Variants in CARM1 observed in about 807,000 individuals in gnomAD.
The protein encoded by CARM1 is coactivator associated arginine methyltransferase 1.
In CARM1, 14 loss-of-function variants were observed where a neutral mutation model predicts 72.7. The observed-to-expected ratio is 0.19, with a 90% CI of 0.13 to 0.30. The LOEUF (loss-of-function observed/expected upper bound fraction) is 0.30. CARM1 is among the 10% of genes least tolerant of loss of function. CARM1 has a pLI of 1.00. For missense variants in CARM1, 432 were observed against 833.7 expected, an observed-to-expected ratio of 0.52 and a Z score of 5.93; for synonymous variants, 333 against 345.5, an observed-to-expected ratio of 0.96 and a Z score of 0.40.
At chr19:10,919,052 ACT>A (rs1568357076) in intron 8 of CARM1, 1 of 152,486 alleles carries the variant, frequency 6.6e-6, no homozygotes, top group African/African-American at 2.4e-5. Flanking sequence ...CTTGATTCAC[ACT>A]CTCGGGCTTA....
Position 10,871,830 on chromosome 19 carries a change from C to A in CARM1, c.128C>A (p.Ala43Glu). The part of the protein sequence containing the change: ...PGARLLTIGD[A>E]NGEIQRHAEQ... ...GCCCGCCTCCTCACCATCGGCGACGCGAACGGCGAGATCCAGCGGCACGCG... is the reference window on the plus strand; with the variant it reads ...GCCCGCCTCCTCACCATCGGCGACGAGAACGGCGAGATCCAGCGGCACGCG... Residue 43 changes from alanine (A) to glutamate (E), a missense_variant, in exon 1 of 16, where the codon GCG (alanine) becomes GAG (glutamate). This residue lies in a region of CARM1 where 138 missense variants were observed against 192.3 expected (regional missense o/e 0.72). Transcript: ENST00000327064. The surrounding 1 kb of genome is among the most constrained non-coding windows in gnomAD (Gnocchi z 5.6). 1 of 1,296,034 alleles carries A rather than the reference C, an allele frequency of 7.7e-7. No individual in the cohort carries two copies. Among genetic ancestry groups the A allele is most frequent in the Non-Finnish European group, 9.9e-7 (1 of 1,014,860 alleles). 80.3% of individuals were successfully genotyped at this position (1,296,034 alleles called of 1,614,324 possible).
chr19:10,905,773 G>C (rs2074098116), intron 2 of CARM1, among the ~76,000 whole-genome samples: 1 of 151,986 alleles, frequency 6.6e-6, no homozygotes, highest in African/African-American at 2.4e-5. Context: ...TGGGCAGCCT[G>C]AGCCCTCGGG....
chr19:10,911,589 C>G (rs2074151083), intron 4 of CARM1, among the ~76,000 whole-genome samples: 1 of 152,250 alleles, frequency 6.6e-6, no homozygotes. Context: ...TTCAAAAGCT[C>G]ATGCCTGTCA....
Position 10,920,774 on chromosome 19 carries a change from G to C in CARM1, c.1424+26G>C, listed in dbSNP as rs1192889591. ...GTAGGAGGGGCCCCTTGCCTGCACAGGGGGGCGCCCCGGCCCTGCAACCCC... is the reference window on the plus strand; with the variant it reads ...GTAGGAGGGGCCCCTTGCCTGCACACGGGGGCGCCCCGGCCCTGCAACCCC... On this transcript the variant is annotated intron_variant, in intron 12 of 15. Transcript: ENST00000327064. The surrounding 1 kb of genome is among the most constrained non-coding windows in gnomAD (Gnocchi z 5.3). 2 of 1,613,122 alleles carry C rather than the reference G, an allele frequency of 1.2e-6. No homozygotes were observed. Among genetic ancestry groups the C allele is most frequent in the Admixed American group, 3.3e-5 (2 of 59,992 alleles).
At chr19:10,880,998 T>C (rs2073898349) in intron 1 of CARM1, among the ~76,000 whole-genome samples, 1 of 152,028 alleles carries the variant, frequency 6.6e-6, no homozygotes, top group Non-Finnish European at 1.5e-5. Context: ...CTGTATCTCT[T>C]AAAAAATAAT....
chr19:10,915,934 C>A lies in CARM1; in HGVS notation c.848-473C>A, dbSNP rs2074192442. ...AGTCCCTGTGGTGTGGATTTGGCTT[C>A]CCCCACCTGGCTCTTGGCCTCAACT... On this transcript the variant is annotated intron_variant, in intron 6 of 15. Coordinates refer to ENST00000327064, the MANE Select transcript of CARM1 (RefSeq NM_199141.2). The surrounding 1 kb of genome is among the most constrained non-coding windows in gnomAD (Gnocchi z 4.6). Among the ~76,000 whole-genome samples the A allele has an allele frequency of 6.6e-6, 1 of 152,190 alleles. No homozygotes were observed. The highest frequency in any genetic ancestry group is 1.5e-5 in the Non-Finnish European group (1 of 68,018).
chr19:10,872,406 G>A (rs761389654), intron 1 of CARM1, among the ~76,000 whole-genome samples: 2 of 152,134 alleles, frequency 1.3e-5, no homozygotes, highest in Non-Finnish European at 2.9e-5. Flanking sequence ...GTTGGAAAGT[G>A]TTTGCTGGTC....
Position 10,920,851 on chromosome 19 carries a change from C to T in CARM1, c.1442C>T (p.Pro481Leu), listed in dbSNP as rs377048511. The T allele has an allele frequency of 4.3e-6, 7 of 1,614,090 alleles. No individual in the cohort carries two copies. The East Asian group carries it at 1.3e-4, about 31-fold the overall frequency. The change falls in exon 13 of 16, where the codon CCC becomes CTC. Residue 481 changes from proline (P) to leucine (L), a missense_variant. Pro to Leu is a moderately conservative substitution (Grantham distance 98). Transcript: ENST00000327064. The surrounding 1 kb of genome is among the most constrained non-coding windows in gnomAD (Gnocchi z 5.3). ...NPFFRYTGTT[P>L]SPPPGSHYTS... ...TGCCATAGATACACGGGCACAACGCCCTCACCCCCACCCGGCTCCCACTAC... is the reference window on the plus strand; with the variant it reads ...TGCCATAGATACACGGGCACAACGCTCTCACCCCCACCCGGCTCCCACTAC...
chr19:10,918,434 G>T (rs1444384897), intron 8 of CARM1, among the ~76,000 whole-genome samples: 1 of 151,996 alleles, frequency 6.6e-6, no homozygotes, highest in African/African-American at 2.4e-5. Flanking sequence ...TGTTACTCAG[G>T]CTGGTCTTGA....
At chr19:10,911,974 G>T (rs767392368) in intron 4 of CARM1, among the ~76,000 whole-genome samples, 5 of 152,236 alleles carry the variant, frequency 3.3e-5, no homozygotes, top group African/African-American at 1.2e-4. Flanking sequence ...GGTTGGGGCC[G>T]AGCGGGAGCT....
chr19:10,912,630 A>G lies in CARM1; in HGVS notation c.669+336A>G, dbSNP rs545264899. Among the ~76,000 whole-genome samples the G allele has an allele frequency of 7.1e-6, 1 of 140,404 alleles. No homozygotes were observed. Among genetic ancestry groups the G allele is most frequent in the African/African-American group, 2.6e-5 (1 of 38,892 alleles). The allele number at this position is 140,404 out of a possible 152,430, so 92.1% of individuals were successfully genotyped here. ...CACCCCAGCTCCCACCCCCAGCCCC[A>G]TCATGAGAGAGGAGCTACGGCCACA... is the stretch of plus-strand genomic sequence containing the variant. On this transcript the variant is annotated intron_variant, in intron 5 of 15. Coordinates refer to ENST00000327064, the MANE Select transcript of CARM1 (RefSeq NM_199141.2). The surrounding 1 kb of genome is among the most constrained non-coding windows in gnomAD (Gnocchi z 4.5).
rs190181232 is a variant in CARM1 at position 10,883,536 on chromosome 19, C to T, written c.220+11614C>T. Among the ~76,000 whole-genome samples, 469 of 152,286 alleles carry T rather than the reference C, an allele frequency of 3.1e-3. 1 individual carries two copies. Among genetic ancestry groups the T allele is most frequent in the Middle Eastern group, 6.8e-3 (2 of 292 alleles). Reference sequence around the variant, plus strand: ...CCTCCAGATCTGCCCAGAAAGTCCACGGTGCCGGCCCTGCCACTTCTTTGT... The same window carrying T: ...CCTCCAGATCTGCCCAGAAAGTCCATGGTGCCGGCCCTGCCACTTCTTTGT... On this transcript the variant is annotated intron_variant, in intron 1 of 15. Transcript: ENST00000327064.
At chr19:10,909,659 C>T (rs919025492) in intron 4 of CARM1, among the ~76,000 whole-genome samples, 2 of 151,172 alleles carry the variant, frequency 1.3e-5, no homozygotes, top group Non-Finnish European at 1.5e-5. Context: ...ATGGCATGAA[C>T]GCAGGAGGCA....
chr19:10,907,242 G>C (rs893288620), intron 2 of CARM1, among the ~76,000 whole-genome samples: 1 of 151,438 alleles, frequency 6.6e-6, no homozygotes, highest in African/African-American at 2.4e-5. Context: ...TTGCTATGTT[G>C]CCCAGGCTGG....
At position 10,913,866 on chromosome 19, in the gene CARM1, C is replaced by G; in HGVS notation, c.670-11C>G. The G allele has an allele frequency of 6.2e-7, 1 of 1,609,172 alleles. No individual in the cohort carries two copies. The highest frequency in any genetic ancestry group is 8.5e-7 in the Non-Finnish European group (1 of 1,177,448). The stretch of plus-strand genomic sequence containing the variant: ...ACGCAGGGAAGCCCACATGGCCCTG[C>G]CCGCCTGCAGGTCTTGGTGAAGAGT... On this transcript the variant is annotated splice_polypyrimidine_tract_variant and intron_variant, in intron 5 of 15. Coordinates refer to ENST00000327064, the MANE Select transcript of CARM1 (RefSeq NM_199141.2).
At chr19:10,893,896 A>G (rs2074005864) in intron 1 of CARM1, among the ~76,000 whole-genome samples, 1 of 152,222 alleles carries the variant, frequency 6.6e-6, no homozygotes, top group African/African-American at 2.4e-5. Context: ...CCCTGAACCC[A>G]GTCCCTCCTT....
Position 10,921,388 on chromosome 19 carries a change from T to C in CARM1, c.1629T>C (p.Ile543=). 2 of 1,609,688 alleles carry C rather than the reference T, an allele frequency of 1.2e-6. No homozygotes were observed. The highest frequency in any genetic ancestry group is 2.2e-5 in the East Asian group (1 of 44,870). Residue 543 remains isoleucine, a synonymous_variant, in exon 15 of 16, where the codon ATT becomes ATC. Coordinates refer to ENST00000327064, the MANE Select transcript of CARM1 (RefSeq NM_199141.2). ...NNLIPLANTG[I]VNHTHSRMGS... ...CTCGCTGCGCAGCCAACACGGGGAT[T>C]GTCAATCACACCCACTCCCGGATGG...
In CARM1 at chr19:10,920,654, C is replaced by T. The variant is rs200590314; in HGVS notation, c.1335-5C>T. 1.6e-4 allele frequency: 265 copies of T among 1,614,114 alleles called. 4 individuals carry two copies. The East Asian group carries it at 4.7e-3, about 29-fold the overall frequency. ...CTCATGCCACGGCCTGCACCCTGTC[C>T]GCAGACAGAGCTACGACATCAGTAT... On this transcript the variant is annotated splice_region_variant and splice_polypyrimidine_tract_variant and intron_variant, in intron 11 of 15. Transcript: ENST00000327064. The surrounding 1 kb of genome is among the most constrained non-coding windows in gnomAD (Gnocchi z 5.3).
chr19:10,920,096 C>A lies in CARM1; in HGVS notation c.1196+130C>A. 1.3e-6 allele frequency: 1 copy of A among 740,810 alleles called. No individual in the cohort carries two copies. Among genetic ancestry groups the A allele is most frequent in the Non-Finnish European group, 2.3e-6 (1 of 428,304 alleles). 45.9% of individuals were successfully genotyped at this position (740,810 alleles called of 1,614,324 possible). A position where few individuals can be genotyped will look rare whatever the true frequency, so the allele number is the denominator to read the frequency against. On this transcript the variant is annotated intron_variant, in intron 10 of 15. Transcript: ENST00000327064. This position sits in a 1 kb window ranked among gnomAD's most constrained non-coding sequence, Gnocchi z 5.3. ...CCTTCCAATGGGAGTGAGAGCCTGT[C>A]TCGGAGCAAGAGACTGTTGTGGGTG...
Sources: allele counts gnomAD v4.1 joint callset (sites outside exome capture counted in the v4.1 genomes callset), GRCh38; gene constraint gnomAD v4.1.1; regional missense constraint gnomAD v4.1.1; non-coding constraint Gnocchi (gnomAD v3.1); transcripts MANE v1.5; gene names NCBI Gene and HGNC (gene_info 2026-07-23, HGNC 2026-07-21).